The following ZNF486 variants were observed in gnomAD, a reference collection of about 807,000 sequenced individuals.
The protein encoded by ZNF486 is KRAB box only protein 2.
In ZNF486, 12 loss-of-function variants were observed where a neutral mutation model predicts 12.8. The ratio of observed to expected loss-of-function variants is 0.94; its 90% confidence interval spans 0.60 to 1.52. The LOEUF (loss-of-function observed/expected upper bound fraction) is 1.52, where lower values mean the gene tolerates loss of function less well. Ranked by LOEUF, ZNF486 falls within the 40% of genes most tolerant of loss-of-function variation. The probability of loss-of-function intolerance (pLI) is 0.00; values close to 1 mark genes in which losing one functional copy is unlikely to be tolerated. For missense variants in ZNF486, 738 were observed against 545.0 expected (o/e 1.35, Z -3.53); for synonymous variants, 231 against 184.9 (o/e 1.25, Z -2.02).
intron 3 of ZNF486, among the ~76,000 whole-genome samples, chr19:20,192,263 A>G (rs2122676411): frequency 6.6e-6 from 1 of 152,306 alleles, no homozygotes; most frequent in Non-Finnish European, 1.5e-5. Flanking sequence ...ATGCTTTTAA[A>G]GAAACCACTG....
intron 3 of ZNF486, among the ~76,000 whole-genome samples, chr19:20,196,369 C>A (rs1325244386): frequency 3.9e-5 from 6 of 152,112 alleles, no homozygotes; most frequent in African/African-American, 1.2e-4. Context: ...TGCTCTGTCG[C>A]CCAGGCCGGA....
At chr19:20,184,277 T>A in intron 1 of ZNF486, 79 bp from the exon 2 acceptor site, 1 of 1,595,868 alleles carries the variant, frequency 6.3e-7, no homozygotes, top group Non-Finnish European at 8.6e-7. Context: ...TCAGTTCTCT[T>A]ACTCTCTCAT....
chr19:20,194,106 A>T (rs575619935), intron 3 of ZNF486, among the ~76,000 whole-genome samples: 2 of 152,314 alleles, frequency 1.3e-5, no homozygotes, highest in East Asian at 3.9e-4. Flanking sequence ...AGTATTAAAA[A>T]TGTTTTCTGT....
chr19:20,186,079 C>T lies in ZNF486; in HGVS notation c.250C>T (p.Pro84Ser). ...MKRHEMIAKPPVVCSHFAQDL... is the reference protein window; with the variant it reads ...MKRHEMIAKPSVVCSHFAQDL... ...GAGACATGAGATGATTGCCAAACCC[C>T]CAGGTAGGTGCGAATGAAAATGAAC... The change falls in exon 3 of 4, where the codon CCA (proline) becomes TCA (serine). Residue 84 changes from proline (P) to serine (S), a missense_variant. Physicochemically the swap from Pro to Ser is moderately conservative, Grantham distance 74. Transcript: ENST00000335117. 1.3e-6 allele frequency: 2 copies of T among 1,580,146 alleles called. No individual in the cohort carries two copies. The highest frequency in any genetic ancestry group is 1.7e-6 in the Non-Finnish European group (2 of 1,167,190).
At position 20,184,315 on chromosome 19, in the gene ZNF486, C is replaced by G. The variant is rs150808344; in HGVS notation, c.31-41C>G. 10 of 1,606,160 alleles carry G rather than the reference C, an allele frequency of 6.2e-6. No homozygotes were observed. In the African/African-American group the frequency reaches 6.7e-5, roughly 11 times the overall value. On this transcript the variant is annotated intron_variant, in intron 1 of 3. Coordinates refer to ENST00000335117, the MANE Select transcript of ZNF486 (RefSeq NM_052852.4). Reference sequence around the variant, plus strand: ...CACCTTAAATTAAAAATTCCACCAACGGCGACTTGGTGAAAATGTGTGTGT... The same window carrying G: ...CACCTTAAATTAAAAATTCCACCAAGGGCGACTTGGTGAAAATGTGTGTGT...
chr19:20,174,801 A>G (rs1336569442), intron 1 of ZNF486, among the ~76,000 whole-genome samples: 1 of 152,226 alleles, frequency 6.6e-6, no homozygotes, highest in Non-Finnish European at 1.5e-5. Context: ...GCTGAAGTAT[A>G]GTTTTAATTA....
intron 3 of ZNF486, 116 bp downstream of exon 3, chr19:20,186,198 C>T (rs1555716410): frequency 1.5e-5 from 9 of 609,330 alleles, no homozygotes; most frequent in Non-Finnish European, 2.1e-5. Flanking sequence ...GGAAATAGTT[C>T]CTGGGCAGCT....
At chr19:20,170,821 T>C (rs1555713784) in intron 1 of ZNF486, among the ~76,000 whole-genome samples, 1 of 152,240 alleles carries the variant, frequency 6.6e-6, no homozygotes, top group Non-Finnish European at 1.5e-5. Context: ...TCATGTCTTT[T>C]CTTTGTTGTA....
intron 3 of ZNF486, among the ~76,000 whole-genome samples, chr19:20,189,059 C>T (rs928139265): frequency 1.3e-5 from 2 of 152,072 alleles, no homozygotes; most frequent in Non-Finnish European, 2.9e-5. Flanking sequence ...TCAAATATGT[C>T]TTCCAGGTCC....
chr19:20,198,064 C>CTTAT lies in ZNF486; in HGVS notation c.1354_1355insTTAT (p.His452LeufsTer3), dbSNP rs782024738. ...TAACTGGTCCTCAGACCTTAATAAACATAAGAGAATTCATATTGGACAGAA... is the reference window on the plus strand; with the variant it reads ...TAACTGGTCCTCAGACCTTAATAAACTTATATAAGAGAATTCATATTGGACAGAA... On this transcript the variant is annotated frameshift_variant, in exon 4 of 4. Transcript: ENST00000335117. LOFTEE classifies it high-confidence loss of function. The CTTAT allele has an allele frequency of 6.2e-7, 1 of 1,606,978 alleles. No individual in the cohort carries two copies. Among genetic ancestry groups the CTTAT allele is most frequent in the Admixed American group, 1.7e-5 (1 of 58,654 alleles).
At chr19:20,180,508 C>T (rs2089772991) in intron 1 of ZNF486, among the ~76,000 whole-genome samples, 1 of 152,244 alleles carries the variant, frequency 6.6e-6, no homozygotes, top group African/African-American at 2.4e-5. Flanking sequence ...TTATTTAGGC[C>T]ACTTTATGCC....
intron 1 of ZNF486, among the ~76,000 whole-genome samples, chr19:20,175,620 A>G (rs988549685): frequency 1.3e-5 from 2 of 151,976 alleles, no homozygotes; most frequent in African/African-American, 4.8e-5. Flanking sequence ...TGGACACAGC[A>G]CATGTTTCAG....
chr19:20,168,637 A>T (rs1361157650), intron 1 of ZNF486, among the ~76,000 whole-genome samples: 5 of 151,726 alleles, frequency 3.3e-5, no homozygotes, highest in African/African-American at 1.2e-4. Flanking sequence ...CTGGGCAACA[A>T]CAGCGAAACT....
At chr19:20,173,806 T>TG (rs2089676289) in intron 1 of ZNF486, among the ~76,000 whole-genome samples, 1 of 151,400 alleles carries the variant, frequency 6.6e-6, no homozygotes, top group Admixed American at 6.6e-5. Flanking sequence ...CACTCCAGCC[T>TG]GGGGGACAGA....
intron 1 of ZNF486, among the ~76,000 whole-genome samples, chr19:20,182,452 C>A (rs1447137175): frequency 6.6e-6 from 1 of 152,190 alleles, no homozygotes; most frequent in Non-Finnish European, 1.5e-5. Flanking sequence ...TGCATGGAAG[C>A]ACTTATGTTG....
rs782282380 is a variant in ZNF486 at position 20,167,216 on chromosome 19, C to G, written c.-115C>G. 1.5e-6 allele frequency: 2 copies of G among 1,348,494 alleles called. No individual in the cohort carries two copies. Among genetic ancestry groups the G allele is most frequent in the East Asian group, 2.3e-5 (1 of 43,212 alleles). 83.5% of individuals were successfully genotyped at this position (1,348,494 alleles called of 1,614,324 possible). A position where few individuals can be genotyped will look rare whatever the true frequency, so the allele number is the denominator to read the frequency against. ...CTTCCGGGTTTGGCGCGGCCTTTGT[C>G]TCTCGCTGCATCTGGAGCTCTAGGT... On this transcript the variant is annotated 5_prime_UTR_variant, in exon 1 of 4. Coordinates refer to ENST00000335117, the MANE Select transcript of ZNF486 (RefSeq NM_052852.4).
At chr19:20,187,500 G>GTTTTT (rs57208523) in intron 3 of ZNF486, among the ~76,000 whole-genome samples, 9 of 119,648 alleles carry the variant, frequency 7.5e-5, no homozygotes, top group African/African-American at 2.7e-4. Context: ...ACCTCTTCAA[G>GTTTTT]TTTTTTTTTT....
rs376975111 is a variant in ZNF486, at chr19:20,197,105, G to C, written c.395G>C (p.Cys132Ser). The change falls in exon 4 of 4, where the codon TGT (cysteine) becomes TCT (serine). Residue 132 changes from cysteine to serine, a missense_variant. Cys to Ser is a moderately radical substitution (Grantham distance 112, BLOSUM62 -1). Transcript: ENST00000335117. ...AAAGGCTGTGAAAGTGTGGATGAGT[G>C]TAAGTTACACAAAAGAGGTTATAAT... is the stretch of plus-strand genomic sequence containing the variant. Reference protein sequence around the residue: ...FKKGCESVDECKLHKRGYNGL... With the variant: ...FKKGCESVDESKLHKRGYNGL... 2.5e-5 allele frequency: 40 copies of C among 1,613,622 alleles called. No homozygotes were observed. In the African/African-American group the frequency reaches 5.3e-4, roughly 22 times the overall value.
chr19:20,181,826 A>G (rs2089791020), intron 1 of ZNF486, among the ~76,000 whole-genome samples: 2 of 150,698 alleles, frequency 1.3e-5, no homozygotes, highest in Admixed American at 1.3e-4. Flanking sequence ...AGAAATAAAA[A>G]TGCCGCACCC....
Sources: gnomAD v4.1 joint callset for allele counts (sites outside exome capture counted in the v4.1 genomes callset) on GRCh38, gnomAD v4.1.1 for gene constraint, MANE v1.5 for transcripts, NCBI Gene and HGNC (gene_info 2026-07-23, HGNC 2026-07-21) for gene names.